RERE: variants seen among roughly 807,000 people sequenced by gnomAD.
RERE encodes arginine-glutamic acid dipeptide repeats protein.
A neutral mutation model predicts 146.1 loss-of-function variants in RERE; 40 were observed. The ratio of observed to expected loss-of-function variants is 0.27; its 90% confidence interval spans 0.21 to 0.36. The LOEUF (loss-of-function observed/expected upper bound fraction) is 0.36, where lower values mean the gene tolerates loss of function less well. Among genes scored for constraint, RERE ranks in the 10% least tolerant of loss-of-function variants. RERE has a pLI of 1.00. For synonymous variants in RERE, 1,003 were observed against 866.0 expected, an observed-to-expected ratio of 1.16 and a Z score of -2.78; for missense variants, 1,933 against 2,138.7, an observed-to-expected ratio of 0.90 and a Z score of 1.90.
In RERE at chr1:8,608,291, C is replaced by A. The variant is rs1280921208; in HGVS notation, c.522+6270G>T. Among the ~76,000 whole-genome samples the A allele has an allele frequency of 2.6e-5, 4 of 152,192 alleles. No individual in the cohort carries two copies. The South Asian group carries it at 6.2e-4, about 24-fold the overall frequency. ...ACTGACACAGGAGGATCCCTTGAGT[C>A]CAGGAGTTCAAGACCAGCCTGGGCA... On this transcript the variant is annotated intron_variant, in intron 4 of 22. Transcript: ENST00000400908.
Position 8,358,622 on chromosome 1 carries a change from G to A in RERE, c.3913C>T (p.Arg1305Trp), listed in dbSNP as rs1283210475. ...TCCCGCTCTCGGATCTCCCGCTCCC[G>A]GAGCTCCCGCTCGCGGATGGTGGGG... ...VDPTIRERELREREIREREIR... is the reference protein window; with the variant it reads ...VDPTIRERELWEREIREREIR... The change falls in exon 20 of 23, where the codon CGG (arginine) becomes TGG (tryptophan). Residue 1305 changes from arginine to tryptophan, a missense_variant. Physicochemically the swap from Arg to Trp is moderately radical, Grantham distance 101. Transcript: ENST00000400908. 1.3e-6 allele frequency: 2 copies of A among 1,591,564 alleles called. No homozygotes were observed. Among genetic ancestry groups the A allele is most frequent in the Non-Finnish European group, 1.7e-6 (2 of 1,169,948 alleles).
intron 10 of RERE, among the ~76,000 whole-genome samples, chr1:8,478,221 A>G (rs1644779551): frequency 6.6e-6 from 1 of 152,246 alleles, no homozygotes; most frequent in Non-Finnish European, 1.5e-5. Context: ...TGCAAACCAA[A>G]GAGCTCAAAC....
chr1:8,685,769 C>G (rs1285789965), intron 1 of RERE, among the ~76,000 whole-genome samples: 2 of 152,092 alleles, frequency 1.3e-5, no homozygotes, highest in Admixed American at 1.3e-4. Flanking sequence ...AGAAAAGAAG[C>G]TGGTGCATAA....
chr1:8,811,806 T>C (rs1489693662), intron 1 of RERE, among the ~76,000 whole-genome samples: 1 of 152,214 alleles, frequency 6.6e-6, no homozygotes, highest in Non-Finnish European at 1.5e-5. Flanking sequence ...TTAAGGTTAG[T>C]CCAGGCCAAC....
intron 1 of RERE, among the ~76,000 whole-genome samples, chr1:8,784,113 CT>C: frequency 6.6e-6 from 1 of 152,346 alleles, no homozygotes; most frequent in Middle Eastern, 3.4e-3. Context: ...ACTCTACCCC[CT>C]GCTCATTCTG....
chr1:8,503,175 A>G (rs1357274875), intron 8 of RERE, among the ~76,000 whole-genome samples: 1 of 152,162 alleles, frequency 6.6e-6, no homozygotes. Flanking sequence ...AATGCAAATT[A>G]ATGGCACATA....
chr1:8,541,356 A>T (rs767577366), intron 6 of RERE, 38 bp from the exon 7 acceptor site: 13 of 1,367,938 alleles, frequency 9.5e-6, no homozygotes, highest in Non-Finnish European at 1.3e-5. Context: ...TAATACCCTC[A>T]ACTGCTTTTG....
intron 11 of RERE, among the ~76,000 whole-genome samples, chr1:8,441,276 A>G (rs1390660633): frequency 6.6e-6 from 1 of 152,180 alleles, no homozygotes; most frequent in Non-Finnish European, 1.5e-5. Context: ...ATGGACACAA[A>G]AGACATTTTT....
chr1:8,535,458 C>T (rs1166900274), intron 7 of RERE, among the ~76,000 whole-genome samples: 1 of 152,158 alleles, frequency 6.6e-6, no homozygotes, highest in African/African-American at 2.4e-5. Context: ...AGGAACTACA[C>T]AAAATACTGG....
intron 1 of RERE, among the ~76,000 whole-genome samples, chr1:8,677,326 G>A (rs548087028): frequency 3.3e-5 from 5 of 151,542 alleles, no homozygotes; most frequent in African/African-American, 9.7e-5. Flanking sequence ...CTACTTGGGA[G>A]GCTGAGGCAG....
intron 10 of RERE, among the ~76,000 whole-genome samples, chr1:8,479,139 C>T (rs533732087): frequency 2.0e-5 from 3 of 152,192 alleles, no homozygotes; most frequent in East Asian, 3.9e-4. Flanking sequence ...AATCCCAGCA[C>T]TTTCAGAAGC....
At chr1:8,691,038 T>C (rs549664792) in intron 1 of RERE, among the ~76,000 whole-genome samples, 3 of 152,112 alleles carry the variant, frequency 2.0e-5, no homozygotes, top group South Asian at 2.1e-4. Flanking sequence ...GCTGGGACTA[T>C]AGGCGCGCAC....
intron 1 of RERE, among the ~76,000 whole-genome samples, chr1:8,694,487 G>A (rs1301161662): frequency 6.6e-6 from 1 of 152,124 alleles, no homozygotes; most frequent in Non-Finnish European, 1.5e-5. Context: ...TGGGCTGGGC[G>A]GGGTGGCTCA....
chr1:8,360,847 G>C lies in RERE; in HGVS notation c.2660C>G (p.Thr887Ser). The change falls in exon 18 of 23, where the codon ACC becomes AGC. Residue 887 changes from threonine to serine, a missense_variant. Thr to Ser is a moderately conservative substitution (Grantham distance 58). Around this residue, in one of 11 missense-constraint regions of RERE, gnomAD observed 1,255 missense variants for 1,153.8 expected, o/e 1.09. Coordinates refer to ENST00000400908, the MANE Select transcript of RERE (RefSeq NM_001042681.2). ...QASQGQAPLGTSPAAAYPHTS... is the reference protein window; with the variant it reads ...QASQGQAPLGSSPAAAYPHTS... ...GTGAGGGTACGCTGCTGCTGGGGAG[G>C]TCCCCAGAGGGGCCTGGCCTTGGGA... 4 of 1,539,318 alleles carry C rather than the reference G, an allele frequency of 2.6e-6. No individual in the cohort carries two copies. The South Asian group carries it at 4.7e-5, about 18-fold the overall frequency.
At chr1:8,621,134 A>G (rs1646910944) in intron 3 of RERE, among the ~76,000 whole-genome samples, 1 of 152,090 alleles carries the variant, frequency 6.6e-6, no homozygotes. Flanking sequence ...ACAACCTATC[A>G]TCCACACTCA....
chr1:8,754,580 C>A (rs1216947572), intron 1 of RERE, among the ~76,000 whole-genome samples: 1 of 152,130 alleles, frequency 6.6e-6, no homozygotes, highest in East Asian at 1.9e-4. Flanking sequence ...ACAAGGTCTG[C>A]CATCTTAATG....
At chr1:8,684,548 T>G (rs185827037) in intron 1 of RERE, among the ~76,000 whole-genome samples, 1 of 152,288 alleles carries the variant, frequency 6.6e-6, no homozygotes, top group East Asian at 1.9e-4. Context: ...AACCAACATA[T>G]TTCAACTAGA....
At chr1:8,405,492 TAAAATA>T (rs1357055182) in intron 12 of RERE, among the ~76,000 whole-genome samples, 4 of 152,178 alleles carry the variant, frequency 2.6e-5, no homozygotes, top group African/African-American at 9.7e-5. Context: ...TAAATAGTCA[TAAAATA>T]AAAATAAAAT....
intron 12 of RERE, among the ~76,000 whole-genome samples, chr1:8,389,651 A>G (rs1171265564): frequency 6.6e-6 from 1 of 152,220 alleles, no homozygotes; most frequent in Non-Finnish European, 1.5e-5. Context: ...CATGCTTTGC[A>G]GTCAATTTGA....
Sources: allele counts gnomAD v4.1 joint callset (sites outside exome capture counted in the v4.1 genomes callset), GRCh38; gene constraint gnomAD v4.1.1; regional missense constraint gnomAD v4.1.1; transcripts MANE v1.5; gene names NCBI Gene and HGNC (gene_info 2026-07-23, HGNC 2026-07-21).